Variants in LRRTM4 observed in about 807,000 individuals in gnomAD.
The protein encoded by LRRTM4 is leucine-rich repeat transmembrane neuronal protein 4.
A neutral mutation model predicts 47.6 loss-of-function variants in LRRTM4; 25 were observed. The observed-to-expected ratio is 0.53, with a 90% confidence interval of 0.38 to 0.73. LRRTM4 has a LOEUF of 0.73. Among genes scored for constraint, LRRTM4 ranks in the 30% least tolerant of loss-of-function variants. LRRTM4 has a pLI of 0.00. For synonymous variants in LRRTM4, 311 were observed against 269.5 expected (o/e 1.15, Z -1.51); for missense variants, 638 against 713.4 (o/e 0.89, Z 1.20).
chr2:77,499,947 C>A (rs868784918), intron 3 of LRRTM4, among the ~76,000 whole-genome samples: 1 of 151,216 alleles, frequency 6.6e-6, no homozygotes, highest in African/African-American at 2.4e-5. Flanking sequence ...CTTGTCATTC[C>A]AGAAATTATA....
At chr2:76,809,858 T>C (rs1278918403) in intron 3 of LRRTM4, among the ~76,000 whole-genome samples, 3 of 152,176 alleles carry the variant, frequency 2.0e-5, no homozygotes, top group Non-Finnish European at 4.4e-5. Flanking sequence ...TTGGACATTC[T>C]GTTTTTTCTG....
chr2:76,881,031 T>A (rs1039281394), intron 3 of LRRTM4, among the ~76,000 whole-genome samples: 2 of 152,156 alleles, frequency 1.3e-5, no homozygotes, highest in African/African-American at 4.8e-5. Context: ...TGTTCTATAG[T>A]ACCGTAGGAT....
chr2:77,198,831 T>C (rs1673897215), intron 3 of LRRTM4, among the ~76,000 whole-genome samples: 1 of 152,172 alleles, frequency 6.6e-6, no homozygotes, highest in South Asian at 2.1e-4. Context: ...GAGCAATCTC[T>C]CACTAGCTAT....
intron 3 of LRRTM4, among the ~76,000 whole-genome samples, chr2:77,383,629 A>G (rs916303205): frequency 6.6e-6 from 1 of 152,116 alleles, no homozygotes; most frequent in South Asian, 2.1e-4. Flanking sequence ...CTGCTTAAAG[A>G]CATTTGCATA....
intron 3 of LRRTM4, among the ~76,000 whole-genome samples, chr2:76,836,843 T>C (rs1319230118): frequency 6.6e-6 from 1 of 152,142 alleles, no homozygotes; most frequent in East Asian, 1.9e-4. Flanking sequence ...CTAGGGCATA[T>C]GTATGGCTGT....
At chr2:77,295,075 C>T (rs1573209521) in intron 3 of LRRTM4, among the ~76,000 whole-genome samples, 1 of 152,006 alleles carries the variant, frequency 6.6e-6, no homozygotes, top group East Asian at 1.9e-4. Flanking sequence ...TACATATTAG[C>T]AATAATACTA....
intron 3 of LRRTM4, among the ~76,000 whole-genome samples, chr2:77,457,954 A>G (rs1355885428): frequency 6.6e-6 from 1 of 152,160 alleles, no homozygotes; most frequent in Non-Finnish European, 1.5e-5. Flanking sequence ...CAGACAATGT[A>G]TTTAGAGAAA....
At chr2:76,893,687 C>T (rs370156526) in intron 3 of LRRTM4, among the ~76,000 whole-genome samples, 17 of 151,654 alleles carry the variant, frequency 1.1e-4, no homozygotes, top group East Asian at 3.9e-4. Flanking sequence ...GAGAATATTG[C>T]CTGGCAAGTT....
At chr2:77,206,485 T>C (rs1213922544) in intron 3 of LRRTM4, among the ~76,000 whole-genome samples, 1 of 151,484 alleles carries the variant, frequency 6.6e-6, no homozygotes. Flanking sequence ...ATGCTTTGCC[T>C]CAAAAAAGAT....
At chr2:77,020,918 C>G (rs1275753241) in intron 3 of LRRTM4, among the ~76,000 whole-genome samples, 1 of 152,114 alleles carries the variant, frequency 6.6e-6, no homozygotes, top group Non-Finnish European at 1.5e-5. Flanking sequence ...TTGTTATGGA[C>G]TGGTGATTGA....
At chr2:77,276,706 TA>T (rs1676368598) in intron 3 of LRRTM4, among the ~76,000 whole-genome samples, 7 of 120,706 alleles carry the variant, frequency 5.8e-5, no homozygotes, top group African/African-American at 1.1e-4. Context: ...TATATATATA[TA>T]TATATATATA....
chr2:76,962,276 CATACAAAAATTTCA>C (rs781697720), intron 3 of LRRTM4, among the ~76,000 whole-genome samples: 25 of 151,192 alleles, frequency 1.7e-4, no homozygotes, highest in Non-Finnish European at 2.5e-4. Context: ...AGATTAGACA[CATACAAAAATTTCA>C]ATACAAAGTA....
chr2:76,754,393 A>T (rs1672955066), intron 3 of LRRTM4, among the ~76,000 whole-genome samples: 1 of 152,172 alleles, frequency 6.6e-6, no homozygotes, highest in South Asian at 2.1e-4. Context: ...GGGAAATTTA[A>T]TTGGCTCATA....
chr2:77,131,796 C>G (rs1671809796), intron 3 of LRRTM4, among the ~76,000 whole-genome samples: 1 of 152,064 alleles, frequency 6.6e-6, no homozygotes, highest in South Asian at 2.1e-4. Context: ...AGGAAGCATT[C>G]CTGAAGGACT....
chr2:77,279,832 C>G (rs1269355265), intron 3 of LRRTM4, among the ~76,000 whole-genome samples: 1 of 151,810 alleles, frequency 6.6e-6, no homozygotes, highest in Admixed American at 6.6e-5. Flanking sequence ...ACATATTTAA[C>G]TAGGATTTGA....
chr2:77,049,996 AT>A (rs1679375179), intron 3 of LRRTM4, among the ~76,000 whole-genome samples: 1 of 152,128 alleles, frequency 6.6e-6, no homozygotes, highest in Non-Finnish European at 1.5e-5. Flanking sequence ...GAAAGGCAAT[AT>A]TCCTTTTTCT....
intron 3 of LRRTM4, among the ~76,000 whole-genome samples, chr2:77,480,816 GTGTGTGGAGAGAGAGAGAGA>G (rs1677654752): frequency 8.0e-6 from 1 of 124,472 alleles, no homozygotes; most frequent in Non-Finnish European, 1.7e-5. Flanking sequence ...GTGTGTGTGT[GTGTGTGGAGAGAGAGAGAGA>G]GAGAGAGAGA....
At chr2:77,098,927 C>G (rs895855058) in intron 3 of LRRTM4, among the ~76,000 whole-genome samples, 1 of 151,842 alleles carries the variant, frequency 6.6e-6, no homozygotes, top group East Asian at 1.9e-4. Context: ...CATGATGAGA[C>G]TCCATTTCAC....
rs551904078 is a variant in LRRTM4 at position 77,169,475 on chromosome 2, A to G, written c.1551+348843T>C. Among the ~76,000 whole-genome samples, 428 of 152,182 alleles carry G rather than the reference A, an allele frequency of 2.8e-3. 1 individual carries two copies. The highest frequency in any genetic ancestry group is 3.6e-3 in the Non-Finnish European group (242 of 68,012). On this transcript the variant is annotated intron_variant, in intron 3 of 3. Transcript: ENST00000409884. ...CCTCCAAAATTTATGTTGAAATTTC[A>G]TTGACATTGTGATGGTATGAAGAGT...
Sources: allele counts gnomAD v4.1 joint callset (sites outside exome capture counted in the v4.1 genomes callset), GRCh38; gene constraint gnomAD v4.1.1; transcripts MANE v1.5; gene names NCBI Gene and HGNC (gene_info 2026-07-23, HGNC 2026-07-21).